TECTA: variants seen among roughly 807,000 people sequenced by gnomAD.
TECTA encodes alpha-tectorin.
TECTA carries 128 observed loss-of-function variants against 216.8 expected under a neutral mutation model. The observed-to-expected ratio is 0.59, with a 90% CI of 0.51 to 0.68. The LOEUF is 0.68. TECTA is among the 30% of genes least tolerant of loss of function. TECTA has a pLI of 0.00. For synonymous variants in TECTA, 1,089 were observed against 1,117.1 expected (o/e 0.97, Z 0.50); for missense variants, 2,551 against 2,786.2 (o/e 0.92, Z 1.90).
In TECTA at chr11:121,136,852, T is replaced by C. The variant is rs542610567; in HGVS notation, c.2942-569T>C. 1.7e-3 allele frequency among the ~76,000 whole-genome samples: 259 copies of C among 152,296 alleles called. 2 individuals are homozygous for C. Among genetic ancestry groups the C allele is most frequent in the African/African-American group, 5.8e-3 (240 of 41,566 alleles). On this transcript the variant is annotated intron_variant, in intron 10 of 23. Transcript: ENST00000392793. ...AACTTCAGTTTCCTCACCTGTAAGATAAGAATGATAAGATTTACCTTACTT... is the reference window on the plus strand; with the variant it reads ...AACTTCAGTTTCCTCACCTGTAAGACAAGAATGATAAGATTTACCTTACTT...
chr11:121,139,480 C>G (rs1260419587), intron 11 of TECTA, among the ~76,000 whole-genome samples: 1 of 152,148 alleles, frequency 6.6e-6, no homozygotes, highest in Non-Finnish European at 1.5e-5. Context: ...ATCACAAGGT[C>G]AAGAGTTCAA....
At chr11:121,141,756 G>A (rs1373630784) in intron 11 of TECTA, among the ~76,000 whole-genome samples, 1 of 152,224 alleles carries the variant, frequency 6.6e-6, no homozygotes, top group East Asian at 1.9e-4. Context: ...CTCTGGCTTG[G>A]TTTAGTATCA....
chr11:121,182,323 T>C (rs1326074582), intron 20 of TECTA, among the ~76,000 whole-genome samples: 1 of 151,202 alleles, frequency 6.6e-6, no homozygotes. Flanking sequence ...CACATGGGAG[T>C]GCCAGTGGTG....
rs1427539200 is a variant in TECTA, at chr11:121,155,069, C to T, written c.4305+1989C>T. On this transcript the variant is annotated intron_variant, in intron 13 of 23. Transcript: ENST00000392793. ...CAGCAAACTCAGAGAACAAAGAATC[C>T]ACATCTACTTGCCACCATTCCAAAG... 4.6e-5 allele frequency among the ~76,000 whole-genome samples: 7 copies of T among 152,146 alleles called. No individual in the cohort carries two copies. In the East Asian group the frequency reaches 7.7e-4, roughly 17 times the overall value.
Position 121,189,591 on chromosome 11 carries a change from G to A in TECTA, c.6251-173G>A, listed in dbSNP as rs534673663. Reference sequence around the variant, plus strand: ...GGGTTTCACTGTGTTAGCCAGGATGGTCTCGATCTCCTGACCGCGTGATCC... The same window carrying A: ...GGGTTTCACTGTGTTAGCCAGGATGATCTCGATCTCCTGACCGCGTGATCC... On this transcript the variant is annotated intron_variant, in intron 22 of 23. Transcript: ENST00000392793. 2.6e-5 allele frequency among the ~76,000 whole-genome samples: 4 copies of A among 152,272 alleles called. No homozygotes were observed. In the South Asian group the frequency reaches 8.3e-4, roughly 32 times the overall value.
At chr11:121,177,614 C>T (rs1275936822) in intron 20 of TECTA, among the ~76,000 whole-genome samples, 29 of 152,186 alleles carry the variant, frequency 1.9e-4, no homozygotes, top group African/African-American at 3.4e-4. Flanking sequence ...TTAGGCTGCT[C>T]GGGGGTCAGG....
intron 15 of TECTA, among the ~76,000 whole-genome samples, chr11:121,161,403 G>A (rs982828031): frequency 6.6e-6 from 1 of 151,946 alleles, no homozygotes; most frequent in Non-Finnish European, 1.5e-5. Flanking sequence ...AGAAAAGAGA[G>A]AACTTTGGAC....
intron 20 of TECTA, among the ~76,000 whole-genome samples, chr11:121,180,156 G>A (rs1181090819): frequency 6.6e-6 from 1 of 150,976 alleles, no homozygotes; most frequent in East Asian, 2.0e-4. Flanking sequence ...GTAGTTTGGT[G>A]GCTTTCTGTA....
intron 14 of TECTA, among the ~76,000 whole-genome samples, chr11:121,159,570 C>A (rs1445918865): frequency 1.3e-5 from 2 of 152,138 alleles, no homozygotes; most frequent in African/African-American, 4.8e-5. Flanking sequence ...AGAAAAATGA[C>A]AAATGCAGAA....
intron 12 of TECTA, among the ~76,000 whole-genome samples, chr11:121,149,006 G>A (rs188967996): frequency 6.6e-5 from 10 of 152,306 alleles, no homozygotes; most frequent in Admixed American, 6.5e-4. Flanking sequence ...AATAAAAAAG[G>A]AATAAATGAC....
intron 20 of TECTA, among the ~76,000 whole-genome samples, chr11:121,169,287 C>A (rs1202097485): frequency 6.6e-6 from 1 of 152,120 alleles, no homozygotes; most frequent in African/African-American, 2.4e-5. Flanking sequence ...ATGACAATAA[C>A]CACAGGTTAA....
chr11:121,132,727 T>G (rs1235511698), intron 10 of TECTA, among the ~76,000 whole-genome samples: 1 of 152,214 alleles, frequency 6.6e-6, no homozygotes, highest in Non-Finnish European at 1.5e-5. Flanking sequence ...TTTCCTTTTT[T>G]AATTTTTTTT....
At chr11:121,189,930 C>A in intron 23 of TECTA, 50 bp downstream of exon 23, 1 of 1,466,850 alleles carries the variant, frequency 6.8e-7, no homozygotes, top group African/African-American at 1.4e-5. Flanking sequence ...ACGGGAGGTT[C>A]TTTACCACCA....
chr11:121,146,834 C>T (rs1946842978), intron 12 of TECTA, among the ~76,000 whole-genome samples: 1 of 152,216 alleles, frequency 6.6e-6, no homozygotes, highest in Non-Finnish European at 1.5e-5. Context: ...TTGCTCTGAG[C>T]CAAGACCCCA....
rs1946624620 is a variant in TECTA, at chr11:121,127,518, T to A, written c.1775-234T>A. 6.6e-6 allele frequency among the ~76,000 whole-genome samples: 1 copy of A among 152,118 alleles called. No homozygotes were observed. The highest frequency in any genetic ancestry group is 2.4e-5 in the African/African-American group (1 of 41,418). On this transcript the variant is annotated intron_variant, in intron 8 of 23. Transcript: ENST00000392793. The surrounding 1 kb of genome is among the most constrained non-coding windows in gnomAD (Gnocchi z 5.0). ...TGGCATCCTGAAAGTTTAATTTTAG[T>A]CAAGATGATCAAATTCCAATAGAAG... is the stretch of plus-strand genomic sequence containing the variant.
intron 10 of TECTA, among the ~76,000 whole-genome samples, chr11:121,133,899 G>T (rs1946699332): frequency 6.6e-6 from 1 of 152,196 alleles, no homozygotes; most frequent in African/African-American, 2.4e-5. Flanking sequence ...CTTTAAGAGT[G>T]TGCAAATATC....
intron 20 of TECTA, among the ~76,000 whole-genome samples, chr11:121,175,644 G>C (rs1419317719): frequency 6.6e-6 from 1 of 152,170 alleles, no homozygotes; most frequent in Admixed American, 6.5e-5. Flanking sequence ...GGTGTGGTGT[G>C]GTGCTGAAAA....
At chr11:121,139,223 T>C (rs1946760271) in intron 11 of TECTA, among the ~76,000 whole-genome samples, 1 of 152,232 alleles carries the variant, frequency 6.6e-6, no homozygotes, top group East Asian at 1.9e-4. Flanking sequence ...TAACAGTTTA[T>C]TCCAGTAGCC....
At chr11:121,174,175 C>G (rs1286753202) in intron 20 of TECTA, among the ~76,000 whole-genome samples, 3 of 151,806 alleles carry the variant, frequency 2.0e-5, no homozygotes, top group African/African-American at 7.3e-5. Flanking sequence ...AATTGAATAC[C>G]CTTTATTTCC....
Sources: gnomAD v4.1 joint callset for allele counts (sites outside exome capture counted in the v4.1 genomes callset) on GRCh38, gnomAD v4.1.1 for gene constraint, Gnocchi (gnomAD v3.1) non-coding constraint, MANE v1.5 for transcripts, NCBI Gene and HGNC (gene_info 2026-07-23, HGNC 2026-07-21) for gene names.